Variants in KIF21A observed in about 807,000 individuals in gnomAD.
The protein encoded by KIF21A is kinesin-like protein KIF21A.
KIF21A carries 114 observed loss-of-function variants against 202.9 expected under a neutral mutation model. The ratio of observed to expected loss-of-function variants is 0.56; its 90% CI spans 0.48 to 0.66. The LOEUF is 0.66. KIF21A is among the 30% of genes least tolerant of loss of function. The pLI is 0.00. For missense variants in KIF21A, 1,677 were observed against 1,994.9 expected, an observed-to-expected ratio of 0.84 and a Z score of 3.04; for synonymous variants, 667 against 670.8, an observed-to-expected ratio of 0.99 and a Z score of 0.09.
rs1290836615 is a variant in KIF21A at position 39,416,900 on chromosome 12, T to TAG, written c.44+26026_44+26027insCT. 2.1e-4 allele frequency among the ~76,000 whole-genome samples: 30 copies of TAG among 143,512 alleles called. 1 individual carries two copies. The highest frequency in any genetic ancestry group is 7.5e-4 in the African/African-American group (30 of 39,886). The allele number at this position is 143,512 out of a possible 152,430, so 94.1% of individuals were successfully genotyped here. On this transcript the variant is annotated intron_variant, in intron 1 of 37. Transcript: ENST00000361418. ...ATGTACATATATATATGTGTATATA[T>TAG]ATATGTACACACACACACATATAAA...
intron 17 of KIF21A, among the ~76,000 whole-genome samples, chr12:39,334,010 T>C (rs934033323): frequency 5.9e-5 from 9 of 152,072 alleles, no homozygotes; most frequent in African/African-American, 2.2e-4. Context: ...GAGACCAGCC[T>C]GGCCAACATG....
chr12:39,338,597 G>A (rs921977131), intron 16 of KIF21A, among the ~76,000 whole-genome samples: 1 of 152,140 alleles, frequency 6.6e-6, no homozygotes, highest in Non-Finnish European at 1.5e-5. Flanking sequence ...TCCCTTCATG[G>A]TAAGTCGCAT....
intron 1 of KIF21A, among the ~76,000 whole-genome samples, chr12:39,383,352 G>A (rs528512904): frequency 1.8e-4 from 27 of 152,312 alleles, no homozygotes; most frequent in African/African-American, 6.0e-4. Context: ...TAAGCCACTA[G>A]CTTTCCCCTT....
In KIF21A at chr12:39,294,699, A is replaced by C. The variant is rs186247454; in HGVS notation, c.4932-182T>G. 5.1e-4 allele frequency among the ~76,000 whole-genome samples: 78 copies of C among 152,330 alleles called. No homozygotes were observed. In the East Asian group the frequency reaches 0.013, roughly 25 times the overall value. Reference sequence around the variant, plus strand: ...CTTAATAATAACAGCTTATATTATCAAGGGCTTACTGTGAGCCAGGCATTG... The same window carrying C: ...CTTAATAATAACAGCTTATATTATCCAGGGCTTACTGTGAGCCAGGCATTG... On this transcript the variant is annotated intron_variant, in intron 37 of 37. Transcript: ENST00000361418.
chr12:39,437,064 A>G (rs1288680224), intron 1 of KIF21A, among the ~76,000 whole-genome samples: 2 of 152,170 alleles, frequency 1.3e-5, no homozygotes, highest in Non-Finnish European at 2.9e-5. Flanking sequence ...GAGCTGTAAC[A>G]TGTCTTGGGG....
Position 39,330,817 on chromosome 12 carries a change from AAG to A in KIF21A, c.3246_3247del (p.Leu1083IlefsTer13). On this transcript the variant is annotated frameshift_variant, in exon 23 of 38. Transcript: ENST00000361418. LOFTEE classifies it high-confidence loss of function. ...TGCCTTCTCTTTCAACATATGGAATAAGAGCTGGTTTTGGGTAGCACTGGTTA... is the reference window on the plus strand; with the variant it reads ...TGCCTTCTCTTTCAACATATGGAATAAGCTGGTTTTGGGTAGCACTGGTTA... 1.2e-6 allele frequency: 2 copies of A among 1,614,004 alleles called. No individual in the cohort carries two copies. The highest frequency in any genetic ancestry group is 1.7e-6 in the Non-Finnish European group (2 of 1,179,874).
chr12:39,332,181 T>A, intron 21 of KIF21A, 33 bp downstream of exon 21: 1 of 1,587,406 alleles, frequency 6.3e-7, no homozygotes, highest in Non-Finnish European at 8.6e-7. Flanking sequence ...GTACTTTTCA[T>A]TAAACCATTA....
At chr12:39,433,151 C>T (rs753366395) in intron 1 of KIF21A, among the ~76,000 whole-genome samples, 5 of 151,988 alleles carry the variant, frequency 3.3e-5, no homozygotes, top group Non-Finnish European at 7.4e-5. Context: ...TAGGAAAAAA[C>T]TGAATAAAAA....
intron 1 of KIF21A, among the ~76,000 whole-genome samples, chr12:39,370,844 C>T: frequency 6.6e-6 from 1 of 151,674 alleles, no homozygotes. Context: ...TATTCATGTC[C>T]TACTATATTG....
At chr12:39,340,092 G>T in intron 16 of KIF21A, 73 bp downstream of exon 16, 1 of 1,147,846 alleles carries the variant, frequency 8.7e-7, no homozygotes, top group Non-Finnish European at 1.3e-6. Flanking sequence ...AACCACAAGA[G>T]TTGTTTATTT....
chr12:39,366,365 AGAAATGCCTTCTTTTG>A lies in KIF21A; in HGVS notation c.872_887del (p.Ala291ValfsTer12), dbSNP rs1472153272. 6.2e-7 allele frequency: 1 copy of A among 1,613,924 alleles called. No homozygotes were observed. The highest frequency in any genetic ancestry group is 8.5e-7 in the Non-Finnish European group (1 of 1,179,896). Reference sequence around the variant, plus strand: ...TTAATCTTACAAGTCCACAGTTGATAGAAATGCCTTCTTTTGCCCTCTCGCCTGTAGCTCCAGTACG... The same window carrying A: ...TTAATCTTACAAGTCCACAGTTGATACCCTCTCGCCTGTAGCTCCAGTACG... On this transcript the variant is annotated frameshift_variant, in exon 6 of 38. Coordinates refer to ENST00000361418, the MANE Select transcript of KIF21A (RefSeq NM_001173464.2). LOFTEE classifies it high-confidence loss of function.
chr12:39,392,642 T>G (rs1280637729), intron 1 of KIF21A, among the ~76,000 whole-genome samples: 2 of 151,796 alleles, frequency 1.3e-5, no homozygotes, highest in Non-Finnish European at 2.9e-5. Flanking sequence ...GCATGCAAGT[T>G]AGAAAAACTT....
intron 1 of KIF21A, among the ~76,000 whole-genome samples, chr12:39,437,231 C>T (rs563842146): frequency 1.3e-5 from 2 of 152,262 alleles, no homozygotes; most frequent in African/African-American, 4.8e-5. Flanking sequence ...TTCACTACCC[C>T]ATAATTAGGC....
In KIF21A at chr12:39,293,389, G is replaced by T. The variant is rs1942022956; in HGVS notation, c.*1035C>A. The T allele has an allele frequency of 6.6e-6, 1 of 152,542 alleles. No homozygotes were observed. Among genetic ancestry groups the T allele is most frequent in the African/African-American group, 2.4e-5 (1 of 41,446 alleles). The allele number at this position is 152,542 out of a possible 1,614,324, so 9.4% of individuals were successfully genotyped here. A position where few individuals can be genotyped will look rare whatever the true frequency, so the allele number is the denominator to read the frequency against. ...TACAAATTAATATTCTGAGCAGACA[G>T]AAATATTATACATCCTTTTGCAAAA... On this transcript the variant is annotated 3_prime_UTR_variant, in exon 38 of 38. Transcript: ENST00000361418.
chr12:39,309,369 C>T (rs1277644535), intron 33 of KIF21A, among the ~76,000 whole-genome samples: 1 of 151,790 alleles, frequency 6.6e-6, no homozygotes, highest in African/African-American at 2.4e-5. Context: ...ATGGCTTATC[C>T]CTTTCTGTTT....
intron 1 of KIF21A, among the ~76,000 whole-genome samples, chr12:39,398,454 A>T (rs1001340332): frequency 6.6e-6 from 1 of 152,192 alleles, no homozygotes; most frequent in African/African-American, 2.4e-5. Flanking sequence ...TTTAAAAATT[A>T]AACAGGCATA....
At chr12:39,416,689 A>ATATATATGTACATATATATGTG (rs1566266737) in intron 1 of KIF21A, among the ~76,000 whole-genome samples, 2 of 94,744 alleles carry the variant, frequency 2.1e-5, no homozygotes, top group South Asian at 3.2e-4. Flanking sequence ...ATATGTGTGT[A>ATATATATGTACATATATATGTG]TATATATATG....
chr12:39,302,636 A>G (rs1480175302), intron 36 of KIF21A, among the ~76,000 whole-genome samples: 1 of 152,224 alleles, frequency 6.6e-6, no homozygotes, highest in Non-Finnish European at 1.5e-5. Context: ...ATAGGTGTAC[A>G]TAAACAAAAG....
intron 1 of KIF21A, among the ~76,000 whole-genome samples, chr12:39,435,648 C>A (rs753366446): frequency 4.6e-5 from 7 of 151,998 alleles, no homozygotes; most frequent in Non-Finnish European, 8.8e-5. Flanking sequence ...CCAAAAAATA[C>A]GCCTCACTCC....
Sources: gnomAD v4.1 joint callset for allele counts (sites outside exome capture counted in the v4.1 genomes callset) on GRCh38, gnomAD v4.1.1 for gene constraint, MANE v1.5 for transcripts, NCBI Gene and HGNC (gene_info 2026-07-23, HGNC 2026-07-21) for gene names.